TTN: variants seen among roughly 807,000 people sequenced by gnomAD.
TTN encodes the protein titin, also known as connectin.
A neutral mutation model predicts 3,223.0 loss-of-function variants in TTN; 1,525 were observed. That is an observed-to-expected ratio of 0.47 (90% confidence interval 0.45 to 0.49). TTN has a LOEUF of 0.49. Ranked by LOEUF, TTN falls within the 20% of genes least tolerant of loss-of-function variation. The pLI is 0.00. For synonymous variants in TTN, 14,094 were observed against 15,161.0 expected (o/e 0.93, Z 5.17); for missense variants, 40,786 against 43,424.0 (o/e 0.94, Z 5.40).
Position 178,775,964 on chromosome 2 carries a change from G to A in TTN, c.5900C>T (p.Pro1967Leu). The change falls in exon 28 of 363, where the codon CCT (proline) becomes CTT (leucine). Residue 1967 changes from proline to leucine, a missense_variant. Coordinates refer to ENST00000589042, the MANE Select transcript of TTN (RefSeq NM_001267550.2). ...LQFEVQKVDR[P>L]VDTTETKEVV... ...TTCTTTGGTTTCAGTGGTGTCAACA[G>A]GTCTATCCACTTTTTGTACTTCAAA... 1 of 1,614,106 alleles carries A rather than the reference G, an allele frequency of 6.2e-7. No homozygotes were observed. Among genetic ancestry groups the A allele is most frequent in the Non-Finnish European group, 8.5e-7 (1 of 1,179,990 alleles).
In TTN at chr2:178,553,482, T is replaced by C; in HGVS notation, c.89503+20A>G. The C allele has an allele frequency of 6.3e-7, 1 of 1,585,756 alleles. No homozygotes were observed. Among genetic ancestry groups the C allele is most frequent in the Non-Finnish European group, 8.6e-7 (1 of 1,166,312 alleles). ...GAAGTATGCTTATTAAAAAACATAA[T>C]CAAACCAGTAGGTACATACCAAGTA... On this transcript the variant is annotated intron_variant, in intron 334 of 362. Coordinates refer to ENST00000589042, the MANE Select transcript of TTN (RefSeq NM_001267550.2).
chr2:178,781,504 T>A (rs2092756719), intron 20 of TTN, among the ~76,000 whole-genome samples: 1 of 152,210 alleles, frequency 6.6e-6, no homozygotes, highest in Non-Finnish European at 1.5e-5. Flanking sequence ...GAATCAGTCA[T>A]GAAATTAAGT....
At position 178,594,432 on chromosome 2, in the gene TTN, G is replaced by C. The variant is rs994473173; in HGVS notation, c.58062C>G (p.Thr19354=). 6.2e-7 allele frequency: 1 copy of C among 1,612,836 alleles called. No individual in the cohort carries two copies. Among genetic ancestry groups the C allele is most frequent in the Non-Finnish European group, 8.5e-7 (1 of 1,179,408 alleles). The stretch of plus-strand genomic sequence containing the variant: ...TGACAGCACTGACACGGTACTCATA[G>C]GTATCACCTTCTTTTAAGCCTTTAA... The part of the protein sequence containing the change: ...YTVKGLKEGD[T]YEYRVSAVNI... The change falls in exon 296 of 363, where the codon ACC becomes ACG. Residue 19354 remains threonine, a synonymous_variant. Coordinates refer to ENST00000589042, the MANE Select transcript of TTN (RefSeq NM_001267550.2).
Position 178,711,129 on chromosome 2 carries a change from G to A in TTN, c.28107C>T (p.Gly9369=). The stretch of plus-strand genomic sequence containing the variant: ...GGTTTGTAGCTGTGCAGGAATACTG[G>A]CCTGCAAGGCTCCGGTCAGTTTTAA... ...NIFKTDRSLA[G]QYSCTATNPI... is the part of the protein sequence containing the mutation. The change falls in exon 97 of 363, where the codon GGC becomes GGT. Residue 9369 remains glycine, a synonymous_variant. Transcript: ENST00000589042. The A allele has an allele frequency of 6.2e-7, 1 of 1,613,818 alleles. No individual in the cohort carries two copies. Among genetic ancestry groups the A allele is most frequent in the Non-Finnish European group, 8.5e-7 (1 of 1,179,754 alleles).
rs370026611 is a variant in TTN, at chr2:178,606,026, A to AAAGT, written c.53582-317_53582-314dup. On this transcript the variant is annotated intron_variant, in intron 278 of 362. Coordinates refer to ENST00000589042, the MANE Select transcript of TTN (RefSeq NM_001267550.2). ...ATGCTTCTAATTCTACTGAACTAGG[A>AAAGT]AAGTAAGTCTGTGAAGCTTTGCTTT... is the stretch of plus-strand genomic sequence containing the variant. 1.8e-3 allele frequency among the ~76,000 whole-genome samples: 278 copies of AAAGT among 152,124 alleles called. 1 individual carries two copies. Among genetic ancestry groups the AAAGT allele is most frequent in the African/African-American group, 6.3e-3 (261 of 41,550 alleles).
chr2:178,669,302 A>G (rs896079752), intron 159 of TTN, 71 bp downstream of exon 159: 2 of 1,286,568 alleles, frequency 1.6e-6, no homozygotes, highest in African/African-American at 1.5e-5. Flanking sequence ...TTTCAAAGCT[A>G]AAAAGACAAA....
chr2:178,741,454 T>C lies in TTN; in HGVS notation c.11779A>G (p.Lys3927Glu). ...KDTETESAVA[K>E]SLEKLGGPCP... is the part of the protein sequence containing the mutation. The stretch of plus-strand genomic sequence containing the variant: ...GGACCTCCCAGCTTTTCCAGAGATT[T>C]TGCCACTGCTGATTCTGTTTCAGTG... The change falls in exon 48 of 363, where the codon AAA becomes GAA. Residue 3927 changes from lysine (K) to glutamate (E), a missense_variant. Coordinates refer to ENST00000589042, the MANE Select transcript of TTN (RefSeq NM_001267550.2). 6.2e-7 allele frequency: 1 copy of C among 1,613,892 alleles called. No homozygotes were observed. Among genetic ancestry groups the C allele is most frequent in the South Asian group, 1.1e-5 (1 of 91,076 alleles).
chr2:178,764,726 G>A lies in TTN; in HGVS notation c.9789C>T (p.Ser3263=), dbSNP rs138313387. The A allele has an allele frequency of 6.9e-5, 112 of 1,613,932 alleles. No homozygotes were observed. In the African/African-American group the frequency reaches 1.0e-3, roughly 14 times the overall value. ...GKPARFCAVI[S]GRPQPKISWY... ...AGGAAATTTTGGGCTGTGGTCTTCC[G>A]GATATCACGGCACAGAAGCGGGCAG... Residue 3263 remains serine (S), a synonymous_variant, in exon 42 of 363, where the codon TCC becomes TCT. Transcript: ENST00000589042.
rs753816472 is a variant in TTN, at chr2:178,571,658, C to A, written c.74474G>T (p.Ser24825Ile). The change falls in exon 326 of 363, where the codon AGT becomes ATT. Residue 24825 changes from serine (S) to isoleucine (I), a missense_variant. Coordinates refer to ENST00000589042, the MANE Select transcript of TTN (RefSeq NM_001267550.2). ...PVKMDEVTADSITLSWGPPKY... is the reference protein window; with the variant it reads ...PVKMDEVTADIITLSWGPPKY... Reference sequence around the variant, plus strand: ...GGGTGGGCCCCAGGAAAGAGTAATACTATCAGCTGTCACTTCATCCATTTT... The same window carrying A: ...GGGTGGGCCCCAGGAAAGAGTAATAATATCAGCTGTCACTTCATCCATTTT... The A allele has an allele frequency of 2.5e-6, 4 of 1,613,402 alleles. No homozygotes were observed. The East Asian group carries it at 6.7e-5, about 27-fold the overall frequency.
chr2:178,683,854 G>C lies in TTN; in HGVS notation c.32806+145C>G, dbSNP rs2070084169. 1.4e-5 allele frequency: 7 copies of C among 496,034 alleles called. No homozygotes were observed. In the East Asian group the frequency reaches 2.0e-4, roughly 14 times the overall value. 30.7% of individuals were successfully genotyped at this position (496,034 alleles called of 1,614,324 possible). ...TACTTTCTGTTATCAAAAATGTTTA[G>C]TTTTGAAGTGATATGCATTAACAAA... is the stretch of plus-strand genomic sequence containing the variant. On this transcript the variant is annotated intron_variant, in intron 133 of 362. Coordinates refer to ENST00000589042, the MANE Select transcript of TTN (RefSeq NM_001267550.2).
rs374915031 is a variant in TTN at position 178,583,329 on chromosome 2, G to A, written c.65576-102C>T. 1.2e-4 allele frequency: 134 copies of A among 1,125,854 alleles called. No homozygotes were observed. In the East Asian group the frequency reaches 1.9e-3, roughly 16 times the overall value. The allele number at this position is 1,125,854 out of a possible 1,614,324, so 69.7% of individuals were successfully genotyped here. On this transcript the variant is annotated intron_variant, in intron 312 of 362. Transcript: ENST00000589042. ...TCATATGCTGCTTCTTTCAAGAATG[G>A]AATTTTAGTGTTATTTCATTTTGTT...
Position 178,672,530 on chromosome 2 carries a change from A to G in TTN, c.34856-49T>C, listed in dbSNP as rs752938191. 22 of 1,602,750 alleles carry G rather than the reference A, an allele frequency of 1.4e-5. No homozygotes were observed. In the South Asian group the frequency reaches 2.4e-4, roughly 18 times the overall value. Reference sequence around the variant, plus strand: ...TTAGGACTGTCGAGAGCAAGCTTTCATAGACAAAAATCATCAAAAACAATC... The same window carrying G: ...TTAGGACTGTCGAGAGCAAGCTTTCGTAGACAAAAATCATCAAAAACAATC... On this transcript the variant is annotated intron_variant, in intron 153 of 362. Coordinates refer to ENST00000589042, the MANE Select transcript of TTN (RefSeq NM_001267550.2).
chr2:178,551,344 T>G, intron 335 of TTN, 84 bp from the exon 336 acceptor site: 1 of 1,074,844 alleles, frequency 9.3e-7, no homozygotes, highest in Non-Finnish European at 1.2e-6. Context: ...ACAATTATTC[T>G]ATAATTTTAA....
chr2:178,777,763 G>C lies in TTN; in HGVS notation c.4421C>G (p.Ala1474Gly), dbSNP rs367739896. ...VSFKCLEGQT[A>G]RFDLKVVGRP... is the part of the protein sequence containing the mutation. Reference sequence around the variant, plus strand: ...ACCAACAACCTTTAAGTCAAATCTGGCAGTTTGCCCTTCTAAACATTTGAA... The same window carrying C: ...ACCAACAACCTTTAAGTCAAATCTGCCAGTTTGCCCTTCTAAACATTTGAA... Residue 1474 changes from alanine to glycine, a missense_variant, in exon 25 of 363, where the codon GCC becomes GGC. Transcript: ENST00000589042. 4.3e-6 allele frequency: 7 copies of C among 1,614,010 alleles called. No individual in the cohort carries two copies. In the South Asian group the frequency reaches 7.7e-5, roughly 18 times the overall value.
Position 178,709,615 on chromosome 2 carries a change from C to T in TTN, c.28704G>A (p.Val9568=). The T allele has an allele frequency of 6.2e-7, 1 of 1,613,862 alleles. No homozygotes were observed. Among genetic ancestry groups the T allele is most frequent in the Non-Finnish European group, 8.5e-7 (1 of 1,179,766 alleles). ...MNDAGLYTCK[V]SNDAGSALCT... ...ACAGAGCAGAGCCTGCATCATTGGACACTTTGCATGTGTACAAACCAGCGT... is the reference window on the plus strand; with the variant it reads ...ACAGAGCAGAGCCTGCATCATTGGATACTTTGCATGTGTACAAACCAGCGT... The change falls in exon 99 of 363, where the codon GTG becomes GTA. Residue 9568 remains valine (V), a synonymous_variant. Coordinates refer to ENST00000589042, the MANE Select transcript of TTN (RefSeq NM_001267550.2).
chr2:178,554,685 G>A lies in TTN; in HGVS notation c.88662C>T (p.Leu29554=), dbSNP rs754106615. Reference sequence around the variant, plus strand: ...CACCATCATCAGCTGGAGGCCGCCAGAGAAGGGTGATCTTCTCAGCAGTTA... The same window carrying A: ...CACCATCATCAGCTGGAGGCCGCCAAAGAAGGGTGATCTTCTCAGCAGTTA... ...KTVTAEKITL[L]WRPPADDGGA... Residue 29554 remains leucine (L), a synonymous_variant, in exon 332 of 363, where the codon CTC becomes CTT. Coordinates refer to ENST00000589042, the MANE Select transcript of TTN (RefSeq NM_001267550.2). The A allele has an allele frequency of 6.2e-7, 1 of 1,613,964 alleles. No individual in the cohort carries two copies.
Position 178,773,742 on chromosome 2 carries a change from A to C in TTN, c.7331-17T>G. On this transcript the variant is annotated splice_polypyrimidine_tract_variant and intron_variant, in intron 31 of 362. Transcript: ENST00000589042. ...CGTCCACACCTGCAAAATCATACAC[A>C]CACAAGATGAATGAATTTTGTTGAA... is the stretch of plus-strand genomic sequence containing the variant. 1 of 1,614,040 alleles carries C rather than the reference A, an allele frequency of 6.2e-7. No homozygotes were observed. Among genetic ancestry groups the C allele is most frequent in the South Asian group, 1.1e-5 (1 of 91,074 alleles).
chr2:178,763,793 T>C (rs1322582502), intron 43 of TTN, among the ~76,000 whole-genome samples: 2 of 152,248 alleles, frequency 1.3e-5, no homozygotes, highest in Non-Finnish European at 2.9e-5. Flanking sequence ...TATAAATGTA[T>C]TATTCTTTTG....
chr2:178,554,784 T>C, intron 331 of TTN, 32 bp from the exon 332 acceptor site: 2 of 1,612,420 alleles, frequency 1.2e-6, no homozygotes, highest in South Asian at 2.2e-5. Context: ...ACGATGTTAG[T>C]ACTTCTTTAA....
Sources: gnomAD v4.1 joint callset for allele counts (sites outside exome capture counted in the v4.1 genomes callset) on GRCh38, gnomAD v4.1.1 for gene constraint, MANE v1.5 for transcripts, NCBI Gene and HGNC (gene_info 2026-07-23, HGNC 2026-07-21) for gene names.